SMCHD1: variants seen among roughly 807,000 people sequenced by gnomAD.
SMCHD1 encodes structural maintenance of chromosomes flexible hinge domain-containing protein 1.
Under a neutral mutation model 254.7 loss-of-function variants are expected in SMCHD1, and 78 were observed. That is an observed-to-expected ratio of 0.31 (90% confidence interval 0.26 to 0.37). The LOEUF is 0.37. Among genes scored for constraint, SMCHD1 ranks in the 10% least tolerant of loss-of-function variants. The probability of loss-of-function intolerance (pLI) is 1.00; values close to 1 mark genes in which losing one functional copy is unlikely to be tolerated. For missense variants in SMCHD1, 1,840 were observed against 2,408.1 expected (o/e 0.76, Z 4.94); for synonymous variants, 766 against 794.9 (o/e 0.96, Z 0.61).
At chr18:2,747,879 T>C (rs1034729621) in intron 30 of SMCHD1, among the ~76,000 whole-genome samples, 10 of 152,198 alleles carry the variant, frequency 6.6e-5, no homozygotes, top group African/African-American at 2.4e-4. Context: ...GCTGTTTTAG[T>C]GTTTCTTATA....
At chr18:2,767,366 A>G (rs1406618072) in intron 37 of SMCHD1, among the ~76,000 whole-genome samples, 1 of 152,100 alleles carries the variant, frequency 6.6e-6, no homozygotes, top group Non-Finnish European at 1.5e-5. Context: ...CAGGTTTATT[A>G]TCTGATTCTG....
At chr18:2,662,060 G>A (rs2143774310) in intron 1 of SMCHD1, among the ~76,000 whole-genome samples, 1 of 144,906 alleles carries the variant, frequency 6.9e-6, no homozygotes, top group Admixed American at 6.7e-5. Context: ...TCGGGAGGCT[G>A]AGGCAGGAGA....
At chr18:2,744,656 C>T (rs2075415307) in intron 29 of SMCHD1, among the ~76,000 whole-genome samples, 1 of 152,092 alleles carries the variant, frequency 6.6e-6, no homozygotes, top group South Asian at 2.1e-4. Flanking sequence ...ATAGATGAAG[C>T]AGTTTTGAAG....
intron 44 of SMCHD1, among the ~76,000 whole-genome samples, chr18:2,780,642 A>G (rs1343646620): frequency 1.3e-5 from 2 of 152,200 alleles, no homozygotes; most frequent in Admixed American, 6.5e-5. Context: ...GTAGTGTGCT[A>G]TTATGTGTTG....
At chr18:2,743,665 C>T in intron 28 of SMCHD1, 96 bp from the exon 29 acceptor site, 2 of 769,042 alleles carry the variant, frequency 2.6e-6, no homozygotes, top group Non-Finnish European at 1.9e-6. Context: ...AGAAACACAT[C>T]TGTACGCCCA....
At position 2,721,899 on chromosome 18, in the gene SMCHD1, T is replaced by C. The variant is rs116108029; in HGVS notation, c.2459-620T>C. Among the ~76,000 whole-genome samples the C allele has an allele frequency of 1.7e-3, 261 of 152,312 alleles. 1 individual carries two copies. The highest frequency in any genetic ancestry group is 5.8e-3 in the African/African-American group (240 of 41,562). ...CTGAAAGGAAACACAGCTTGCTGAA[T>C]TTCACCCTGAGTTTCTGATTCAGCA... On this transcript the variant is annotated intron_variant, in intron 19 of 47. Coordinates refer to ENST00000320876, the MANE Select transcript of SMCHD1 (RefSeq NM_015295.3).
chr18:2,665,144 T>G (rs1410379797), intron 1 of SMCHD1, among the ~76,000 whole-genome samples: 1 of 152,270 alleles, frequency 6.6e-6, no homozygotes, highest in Non-Finnish European at 1.5e-5. Context: ...TATGTTTTAA[T>G]TCTAATGTAA....
At chr18:2,693,024 T>G (rs1598324454) in intron 7 of SMCHD1, among the ~76,000 whole-genome samples, 1 of 152,210 alleles carries the variant, frequency 6.6e-6, no homozygotes, top group Non-Finnish European at 1.5e-5. Flanking sequence ...TAGCAATTAG[T>G]GTATAGAGAT....
In SMCHD1 at chr18:2,803,644, A is replaced by G. The variant is rs2076402057; in HGVS notation, c.*1092A>G. ...AAGTGTTTTTCTTTTTTAAAATTGG[A>G]AGCTTCATAAAAGTTATCTTGTTAA... On this transcript the variant is annotated 3_prime_UTR_variant, in exon 48 of 48. Coordinates refer to ENST00000320876, the MANE Select transcript of SMCHD1 (RefSeq NM_015295.3). 1 of 151,946 alleles carries G rather than the reference A, an allele frequency of 6.6e-6. No individual in the cohort carries two copies. The highest frequency in any genetic ancestry group is 6.6e-5 in the Admixed American group (1 of 15,242). The allele number at this position is 151,946 out of a possible 1,614,324, so 9.4% of individuals were successfully genotyped here.
Position 2,705,683 on chromosome 18 carries a change from C to G in SMCHD1, c.1843-11C>G. The G allele has an allele frequency of 8.1e-7, 1 of 1,239,154 alleles. No homozygotes were observed. Among genetic ancestry groups the G allele is most frequent in the Non-Finnish European group, 1.1e-6 (1 of 894,786 alleles). The allele number at this position is 1,239,154 out of a possible 1,614,324, so 76.8% of individuals were successfully genotyped here. Reference sequence around the variant, plus strand: ...CTGAAGCTTTTTTTTTTTTTAAAAACTAAATATTAGGTCAAGACAATCAAG... The same window carrying G: ...CTGAAGCTTTTTTTTTTTTTAAAAAGTAAATATTAGGTCAAGACAATCAAG... On this transcript the variant is annotated splice_polypyrimidine_tract_variant and intron_variant, in intron 13 of 47. Transcript: ENST00000320876.
chr18:2,740,934 A>G (rs750624013), intron 28 of SMCHD1, 113 bp downstream of exon 28: 3 of 580,058 alleles, frequency 5.2e-6, no homozygotes, highest in Non-Finnish European at 9.0e-6. Context: ...TTTTAAATTG[A>G]AAAGTCATAA....
chr18:2,690,288 C>T (rs1407913952), intron 7 of SMCHD1, among the ~76,000 whole-genome samples: 1 of 152,076 alleles, frequency 6.6e-6, no homozygotes, highest in African/African-American at 2.4e-5. Flanking sequence ...TTTTTAGTAG[C>T]TTTATAACAT....
intron 3 of SMCHD1, 100 bp downstream of exon 3, chr18:2,667,131 A>G (rs1254454878): frequency 9.8e-6 from 8 of 818,790 alleles, no homozygotes; most frequent in South Asian, 5.9e-5. Flanking sequence ...TTCTTATTAC[A>G]CTTTATTAGA....
intron 5 of SMCHD1, among the ~76,000 whole-genome samples, chr18:2,676,479 C>T (rs1425988232): frequency 1.3e-5 from 2 of 151,934 alleles, no homozygotes; most frequent in Admixed American, 1.3e-4. Context: ...AGAAGAAGCA[C>T]CAGCAAAGCA....
chr18:2,662,162 T>G (rs2073286508), intron 1 of SMCHD1, among the ~76,000 whole-genome samples: 1 of 78,282 alleles, frequency 1.3e-5, no homozygotes, highest in Non-Finnish European at 2.3e-5. Context: ...CGAGACTCCG[T>G]CTCAAAAAAA....
intron 1 of SMCHD1, among the ~76,000 whole-genome samples, chr18:2,662,667 C>CAAAAAAAAAAAAAAAAAAAAA (rs745838636): frequency 3.1e-4 from 11 of 35,686 alleles, no homozygotes; most frequent in African/African-American, 6.2e-4. Context: ...AACAAAAAAC[C>CAAAAAAAAAAAAAAAAAAAAA]AAAAAAAAAA....
At chr18:2,722,836 C>T (rs2074954009) in intron 20 of SMCHD1, among the ~76,000 whole-genome samples, 173 bp downstream of exon 20, 1 of 152,152 alleles carries the variant, frequency 6.6e-6, no homozygotes, top group Middle Eastern at 3.4e-3. Flanking sequence ...TGACTAGTGT[C>T]ATATATAAAT....
chr18:2,774,937 C>T (rs999787374), intron 41 of SMCHD1, among the ~76,000 whole-genome samples: 4 of 152,204 alleles, frequency 2.6e-5, no homozygotes, highest in African/African-American at 4.8e-5. Context: ...AACCTTGTTA[C>T]ACTGTTGGCA....
chr18:2,722,383 T>C, intron 19 of SMCHD1, 136 bp from the exon 20 acceptor site: 1 of 752,682 alleles, frequency 1.3e-6, no homozygotes, highest in Non-Finnish European at 2.1e-6. Flanking sequence ...TTTGCGCTGA[T>C]TTTAAAATGT....
Sources: gnomAD v4.1 joint callset for allele counts (sites outside exome capture counted in the v4.1 genomes callset) on GRCh38, gnomAD v4.1.1 for gene constraint, MANE v1.5 for transcripts, NCBI Gene and HGNC (gene_info 2026-07-23, HGNC 2026-07-21) for gene names.